NKAIN3: variants seen among roughly 807,000 people sequenced by gnomAD.
NKAIN3 encodes sodium/potassium-transporting ATPase subunit beta-1-interacting protein 3.
A neutral mutation model predicts 30.2 loss-of-function variants in NKAIN3; 25 were observed. The ratio of observed to expected loss-of-function variants is 0.83; its 90% confidence interval spans 0.60 to 1.16. NKAIN3 has a LOEUF of 1.16. Ranked by LOEUF, NKAIN3 falls within the 50% of genes most tolerant of loss-of-function variation. The pLI, the probability that NKAIN3 is intolerant of heterozygous loss-of-function variation, is 0.00. For missense variants in NKAIN3, 225 were observed against 254.1 expected (o/e 0.89, Z 0.78); for synonymous variants, 91 against 89.6 (o/e 1.02, Z -0.09).
chr8:62,699,355 A>G (rs893096506), intron 3 of NKAIN3, among the ~76,000 whole-genome samples: 6 of 152,216 alleles, frequency 3.9e-5, no homozygotes, highest in Admixed American at 2.6e-4. Flanking sequence ...TTGAGAATCT[A>G]TATTAAACTT....
intron 1 of NKAIN3, among the ~76,000 whole-genome samples, chr8:62,318,554 CA>C (rs1814745720): frequency 2.7e-5 from 4 of 150,098 alleles, no homozygotes; most frequent in African/African-American, 1.0e-4. Flanking sequence ...TTGAGATAAT[CA>C]TGTGGTTTTT....
chr8:62,812,394 A>C (rs751033944), intron 4 of NKAIN3, among the ~76,000 whole-genome samples: 3 of 151,926 alleles, frequency 2.0e-5, no homozygotes, highest in African/African-American at 4.8e-5. Flanking sequence ...TAAAAATTGC[A>C]TCAAATCTAC....
chr8:62,285,194 A>G (rs777162503), intron 1 of NKAIN3, among the ~76,000 whole-genome samples: 1 of 152,178 alleles, frequency 6.6e-6, no homozygotes, highest in Non-Finnish European at 1.5e-5. Context: ...AGAAAACGTC[A>G]CTGTAAAATG....
At position 62,977,979 on chromosome 8, in the gene NKAIN3, C is replaced by A; in HGVS notation, c.*12572C>A. ...TTCTAACAGTCAGGCCCTTCTTCTG[C>A]TGGTCTGCTGGAGTTTTCTGGGGGT... On this transcript the variant is annotated 3_prime_UTR_variant, in exon 7 of 7. Transcript: ENST00000623646. The A allele has an allele frequency of 6.6e-6, 1 of 152,492 alleles. No homozygotes were observed. The allele number at this position is 152,492 out of a possible 1,614,324, so 9.4% of individuals were successfully genotyped here.
chr8:62,765,153 A>G (rs530785631), intron 4 of NKAIN3, among the ~76,000 whole-genome samples: 4 of 146,524 alleles, frequency 2.7e-5, no homozygotes, highest in African/African-American at 7.5e-5. Flanking sequence ...AGGCTGAGGA[A>G]GTAGAATCGT....
At chr8:62,655,132 C>T (rs906969718) in intron 3 of NKAIN3, among the ~76,000 whole-genome samples, 1 of 152,112 alleles carries the variant, frequency 6.6e-6, no homozygotes, top group Non-Finnish European at 1.5e-5. Context: ...TGATGACCAT[C>T]CAGCTGTTTG....
intron 1 of NKAIN3, among the ~76,000 whole-genome samples, chr8:62,258,744 G>A (rs1327584711): frequency 2.0e-5 from 3 of 152,090 alleles, no homozygotes; most frequent in Non-Finnish European, 4.4e-5. Flanking sequence ...AATCAGAATG[G>A]AAAACACAAT....
chr8:62,745,222 T>C (rs905845122), intron 3 of NKAIN3, among the ~76,000 whole-genome samples: 4 of 152,212 alleles, frequency 2.6e-5, no homozygotes, highest in African/African-American at 9.6e-5. Flanking sequence ...CCTTGGCAAC[T>C]GAAGTGGACA....
At chr8:62,446,261 G>A (rs761410941) in intron 1 of NKAIN3, among the ~76,000 whole-genome samples, 7 of 152,072 alleles carry the variant, frequency 4.6e-5, no homozygotes, top group Admixed American at 1.3e-4. Context: ...CATATGATCA[G>A]ACACGATTAT....
intron 3 of NKAIN3, among the ~76,000 whole-genome samples, chr8:62,650,482 C>T (rs572400924): frequency 1.3e-5 from 2 of 152,132 alleles, no homozygotes; most frequent in Non-Finnish European, 2.9e-5. Context: ...TTTCTAAGGA[C>T]ACATTGTCTG....
In NKAIN3 at chr8:62,815,538, C is replaced by A. The variant is rs563334798; in HGVS notation, c.471+68409C>A. Among the ~76,000 whole-genome samples, 422 of 152,300 alleles carry A rather than the reference C, an allele frequency of 2.8e-3. 6 individuals are homozygous for A. The highest frequency in any genetic ancestry group is 9.8e-3 in the African/African-American group (407 of 41,550). On this transcript the variant is annotated intron_variant, in intron 4 of 6. Coordinates refer to ENST00000623646, the MANE Select transcript of NKAIN3 (RefSeq NM_001304533.3). ...TTATCCACCATGATCAAGTGGGCTT[C>A]ATCCCTGGGATGCAAGTCTGGTTCA...
At chr8:62,369,698 C>T (rs1273118730) in intron 1 of NKAIN3, among the ~76,000 whole-genome samples, 5 of 151,884 alleles carry the variant, frequency 3.3e-5, no homozygotes, top group African/African-American at 4.8e-5. Context: ...CATAGATTTT[C>T]CTCATGCATG....
At chr8:62,268,224 T>C (rs543357546) in intron 1 of NKAIN3, among the ~76,000 whole-genome samples, 1 of 152,262 alleles carries the variant, frequency 6.6e-6, no homozygotes, top group Admixed American at 6.5e-5. Flanking sequence ...CACATGAAAA[T>C]ACTCAACTGG....
At chr8:62,745,812 A>T (rs573909381) in intron 3 of NKAIN3, among the ~76,000 whole-genome samples, 1 of 152,314 alleles carries the variant, frequency 6.6e-6, no homozygotes, top group South Asian at 2.1e-4. Context: ...TCTTCAGAGT[A>T]TAAGGAATGA....
At chr8:62,368,395 T>C (rs1357247400) in intron 1 of NKAIN3, among the ~76,000 whole-genome samples, 2 of 152,190 alleles carry the variant, frequency 1.3e-5, no homozygotes, top group African/African-American at 4.8e-5. Flanking sequence ...CATAAATTCA[T>C]GCATTTACAG....
chr8:62,601,494 A>G (rs562757590), intron 3 of NKAIN3, among the ~76,000 whole-genome samples: 24 of 152,222 alleles, frequency 1.6e-4, no homozygotes, highest in Middle Eastern at 3.4e-3. Flanking sequence ...ATCTATATCA[A>G]TGGACACTTT....
intron 1 of NKAIN3, among the ~76,000 whole-genome samples, chr8:62,551,359 A>G (rs1809203276): frequency 6.6e-6 from 1 of 152,064 alleles, no homozygotes; most frequent in South Asian, 2.1e-4. Flanking sequence ...TTTGGTCTTG[A>G]TTTTTAGAAC....
intron 5 of NKAIN3, among the ~76,000 whole-genome samples, chr8:62,942,245 TAC>T (rs1329107552): frequency 7.0e-6 from 1 of 142,126 alleles, no homozygotes; most frequent in African/African-American, 2.7e-5. Context: ...CACATATATA[TAC>T]ATATATATAT....
At chr8:62,501,432 A>G (rs1347051728) in intron 1 of NKAIN3, among the ~76,000 whole-genome samples, 2 of 152,066 alleles carry the variant, frequency 1.3e-5, no homozygotes, top group Admixed American at 1.3e-4. Flanking sequence ...TTCTTCTGCT[A>G]TGTTTCATTT....
Sources: gnomAD v4.1 joint callset for allele counts (sites outside exome capture counted in the v4.1 genomes callset) on GRCh38, gnomAD v4.1.1 for gene constraint, MANE v1.5 for transcripts, NCBI Gene and HGNC (gene_info 2026-07-23, HGNC 2026-07-21) for gene names.